Variants in DNAAF9 observed in about 807,000 individuals in gnomAD.
DNAAF9 encodes the protein dynein axonemal assembly factor 9.
Under a neutral mutation model 167.0 loss-of-function variants are expected in DNAAF9, and 90 were observed. The ratio of observed to expected loss-of-function variants is 0.54; its 90% CI spans 0.45 to 0.64. The LOEUF (loss-of-function observed/expected upper bound fraction) is 0.64, where lower values mean the gene tolerates loss of function less well. Among genes scored for constraint, DNAAF9 ranks in the 30% least tolerant of loss-of-function variants. The pLI, the probability that DNAAF9 is intolerant of heterozygous loss-of-function variation, is 0.00. For missense variants in DNAAF9, 1,315 were observed against 1,442.2 expected (o/e 0.91, Z 1.43); for synonymous variants, 491 against 508.8 (o/e 0.96, Z 0.47).
intron 1 of DNAAF9, among the ~76,000 whole-genome samples, chr20:3,387,651 A>C (rs893334800): frequency 6.6e-6 from 1 of 152,120 alleles, no homozygotes; most frequent in African/African-American, 2.4e-5. Context: ...GGACATTTAA[A>C]ATTTAGAACT....
At chr20:3,394,818 A>C (rs2083875731) in intron 1 of DNAAF9, among the ~76,000 whole-genome samples, 1 of 152,196 alleles carries the variant, frequency 6.6e-6, no homozygotes, top group Non-Finnish European at 1.5e-5. Context: ...TAAAAAAATA[A>C]TCAGAGCTTT....
chr20:3,363,463 C>CA (rs1166158920), intron 6 of DNAAF9, among the ~76,000 whole-genome samples: 2 of 90,754 alleles, frequency 2.2e-5, no homozygotes, highest in Non-Finnish European at 2.3e-5. Context: ...GACTCCGTCT[C>CA]AAAAAAAATA....
At chr20:3,277,430 A>T (rs762007858) in intron 29 of DNAAF9, among the ~76,000 whole-genome samples, 3 of 152,144 alleles carry the variant, frequency 2.0e-5, no homozygotes, top group Non-Finnish European at 4.4e-5. Flanking sequence ...ATACTGGCTG[A>T]CTACAGTCCA....
chr20:3,340,573 G>A lies in DNAAF9; in HGVS notation c.912C>T (p.Asn304=), dbSNP rs953527017. 7 of 1,613,742 alleles carry A rather than the reference G, an allele frequency of 4.3e-6. No individual in the cohort carries two copies. The highest frequency in any genetic ancestry group is 4.0e-5 in the African/African-American group (3 of 74,876). Residue 304 remains asparagine (N), a synonymous_variant, in exon 10 of 37, where the codon AAC becomes AAT. Coordinates refer to ENST00000252032, the MANE Select transcript of DNAAF9 (RefSeq NM_001009984.3). ...GATGTCCTTCAGAAGGGAAGTTAAA[G>A]TTGCCAGCATTCAGGTTTTCTCGTG... ...HSTRENLNAG[N]FNFPSEGHLV...
At chr20:3,262,641 T>C (rs1300033504) in intron 31 of DNAAF9, among the ~76,000 whole-genome samples, 2 of 152,134 alleles carry the variant, frequency 1.3e-5, no homozygotes, top group Admixed American at 1.3e-4. Context: ...GCTTCTTGTG[T>C]ATGAGTCAGT....
At chr20:3,344,573 G>GA (rs1204870493) in intron 8 of DNAAF9, among the ~76,000 whole-genome samples, 2 of 139,210 alleles carry the variant, frequency 1.4e-5, no homozygotes, top group African/African-American at 5.3e-5. Context: ...CAATATAATG[G>GA]AAAAAATACA....
intron 27 of DNAAF9, among the ~76,000 whole-genome samples, chr20:3,284,138 C>T (rs2068809060): frequency 6.6e-6 from 1 of 151,520 alleles, no homozygotes; most frequent in South Asian, 2.1e-4. Context: ...GCACCCCCTA[C>T]CCAGAAGGAA....
At chr20:3,350,818 G>A (rs2070308323) in intron 7 of DNAAF9, among the ~76,000 whole-genome samples, 1 of 152,148 alleles carries the variant, frequency 6.6e-6, no homozygotes, top group South Asian at 2.1e-4. Context: ...GAGCGTCACT[G>A]AAGATGGTAG....
intron 22 of DNAAF9, 150 bp from the exon 23 acceptor site, chr20:3,297,099 T>C (rs2069094462): frequency 1.6e-6 from 1 of 623,296 alleles, no homozygotes; most frequent in Non-Finnish European, 2.9e-6. Context: ...AATAGAGGCC[T>C]GAAGCAATTT....
At chr20:3,369,106 G>A (rs1600871295) in intron 6 of DNAAF9, among the ~76,000 whole-genome samples, 1 of 148,984 alleles carries the variant, frequency 6.7e-6, no homozygotes, top group East Asian at 2.0e-4. Flanking sequence ...TCCAGCCTGG[G>A]CAAGGAGAGT....
At chr20:3,394,972 T>C (rs1225723568) in intron 1 of DNAAF9, among the ~76,000 whole-genome samples, 2 of 33,018 alleles carry the variant, frequency 6.1e-5, no homozygotes, top group African/African-American at 1.3e-4. Flanking sequence ...TTTTTTTTTT[T>C]TTTTTTTTTT....
chr20:3,320,386 A>G (rs566204337), intron 16 of DNAAF9, among the ~76,000 whole-genome samples: 4 of 152,204 alleles, frequency 2.6e-5, no homozygotes, highest in Non-Finnish European at 4.4e-5. Context: ...AATGTAGACA[A>G]AAAGCATCAA....
Position 3,339,297 on chromosome 20 carries a change from C to T in DNAAF9, c.981+1207G>A, listed in dbSNP as rs751285445. On this transcript the variant is annotated intron_variant, in intron 10 of 36. Transcript: ENST00000252032. ...CATATCTGAGTCTGGTTCTGATAGT[C>T]GCACTGTCTCTTCAAATAGTGTTTT... is the stretch of plus-strand genomic sequence containing the variant. Among the ~76,000 whole-genome samples the T allele has an allele frequency of 3.9e-5, 6 of 152,246 alleles. No homozygotes were observed. In the South Asian group the frequency reaches 8.3e-4, roughly 21 times the overall value.
chr20:3,378,713 G>A (rs1183226887), intron 3 of DNAAF9, among the ~76,000 whole-genome samples: 1 of 152,206 alleles, frequency 6.6e-6, no homozygotes, highest in Non-Finnish European at 1.5e-5. Flanking sequence ...TGCAGCAGGT[G>A]TAGGACAACG....
At chr20:3,297,523 T>A (rs1158293851) in intron 22 of DNAAF9, among the ~76,000 whole-genome samples, 1 of 152,186 alleles carries the variant, frequency 6.6e-6, no homozygotes, top group Non-Finnish European at 1.5e-5. Context: ...CCACTAGTCA[T>A]GAGGCTGGCC....
chr20:3,392,457 G>C (rs879430473), intron 1 of DNAAF9, among the ~76,000 whole-genome samples: 1 of 152,222 alleles, frequency 6.6e-6, no homozygotes, highest in Non-Finnish European at 1.5e-5. Flanking sequence ...GATGTAGTTT[G>C]CCCAAGATCA....
intron 6 of DNAAF9, among the ~76,000 whole-genome samples, chr20:3,361,104 G>C (rs533928426): frequency 7.2e-5 from 11 of 152,156 alleles, no homozygotes; most frequent in Non-Finnish European, 1.5e-4. Flanking sequence ...AACCTTACCT[G>C]ATGTCTTCTG....
intron 1 of DNAAF9, among the ~76,000 whole-genome samples, chr20:3,387,161 T>C (rs1458904916): frequency 2.0e-5 from 3 of 152,216 alleles, no homozygotes; most frequent in Non-Finnish European, 4.4e-5. Context: ...GAAAAATCCA[T>C]TCTAAAATTT....
intron 3 of DNAAF9, among the ~76,000 whole-genome samples, chr20:3,377,241 G>A (rs2083587809): frequency 6.6e-6 from 1 of 152,170 alleles, no homozygotes; most frequent in Admixed American, 6.5e-5. Flanking sequence ...CAGATTCTTA[G>A]TTGATCTCCC....
Sources: gnomAD v4.1 joint callset for allele counts (sites outside exome capture counted in the v4.1 genomes callset) on GRCh38, gnomAD v4.1.1 for gene constraint, MANE v1.5 for transcripts, NCBI Gene and HGNC (gene_info 2026-07-23, HGNC 2026-07-21) for gene names.